The following STXBP5 variants were observed in gnomAD, a reference collection of about 807,000 sequenced individuals.
STXBP5 encodes the protein syntaxin binding protein 5, also known as syntaxin-binding protein 5.
Under a neutral mutation model 152.4 loss-of-function variants are expected in STXBP5, and 50 were observed. The observed-to-expected ratio is 0.33, with a 90% confidence interval of 0.26 to 0.42. The LOEUF (loss-of-function observed/expected upper bound fraction) is 0.42, where lower values mean the gene tolerates loss of function less well. Among genes scored for constraint, STXBP5 ranks in the 10% least tolerant of loss-of-function variants. The probability of loss-of-function intolerance (pLI) is 1.00; values close to 1 mark genes in which losing one functional copy is unlikely to be tolerated. For missense variants in STXBP5, 1,167 were observed against 1,388.6 expected (o/e 0.84, Z 2.54); for synonymous variants, 492 against 494.7 (o/e 0.99, Z 0.07).
At chr6:147,304,637 T>C (rs947214005) in intron 9 of STXBP5, among the ~76,000 whole-genome samples, 5 of 152,174 alleles carry the variant, frequency 3.3e-5, no homozygotes, top group South Asian at 4.2e-4. Context: ...CTGGACAAGC[T>C]GCAGACACTC....
intron 18 of STXBP5, 120 bp downstream of exon 18, chr6:147,327,396 A>G (rs76132287): frequency 2.1e-4 from 241 of 1,157,502 alleles, no homozygotes; most frequent in Non-Finnish European, 2.7e-4. Flanking sequence ...TGTATATATA[A>G]ACTGCCAAAA....
At chr6:147,298,632 C>T (rs1376058468) in intron 9 of STXBP5, among the ~76,000 whole-genome samples, 1 of 151,962 alleles carries the variant, frequency 6.6e-6, no homozygotes, top group Non-Finnish European at 1.5e-5. Context: ...TATCAAGTAG[C>T]TTTTTTGGCC....
At chr6:147,318,846 T>G (rs971703437) in intron 16 of STXBP5, among the ~76,000 whole-genome samples, 8 of 152,092 alleles carry the variant, frequency 5.3e-5, no homozygotes, top group East Asian at 1.9e-4. Context: ...GATTTGATGG[T>G]TTTTTTTCCT....
chr6:147,258,590 C>T (rs1045224352), intron 4 of STXBP5, among the ~76,000 whole-genome samples: 2 of 152,016 alleles, frequency 1.3e-5, no homozygotes, highest in Non-Finnish European at 2.9e-5. Context: ...CCCACCACCT[C>T]GCCTGGCTAA....
At chr6:147,354,154 C>T (rs971988819) in intron 22 of STXBP5, among the ~76,000 whole-genome samples, 1 of 152,120 alleles carries the variant, frequency 6.6e-6, no homozygotes, top group East Asian at 1.9e-4. Context: ...AGCCCACACC[C>T]CTCACCACTG....
chr6:147,251,477 G>A (rs1331974878), intron 4 of STXBP5, among the ~76,000 whole-genome samples: 1 of 152,164 alleles, frequency 6.6e-6, no homozygotes, highest in Non-Finnish European at 1.5e-5. Flanking sequence ...TGAAGCCAGG[G>A]AGCCAAGTGG....
chr6:147,232,459 A>C (rs1292693118), intron 2 of STXBP5, among the ~76,000 whole-genome samples: 1 of 151,742 alleles, frequency 6.6e-6, no homozygotes, highest in Admixed American at 6.6e-5. Flanking sequence ...CTTAATTTTA[A>C]ATTTTTTGTT....
intron 26 of STXBP5, 67 bp downstream of exon 26, chr6:147,373,909 T>G: frequency 9.2e-7 from 1 of 1,086,866 alleles, no homozygotes; most frequent in Non-Finnish European, 1.4e-6. Flanking sequence ...AAAAATTTTT[T>G]TATACGTGTA....
chr6:147,335,710 G>A (rs1783791222), intron 19 of STXBP5, among the ~76,000 whole-genome samples: 1 of 152,096 alleles, frequency 6.6e-6, no homozygotes, highest in Non-Finnish European at 1.5e-5. Context: ...TGAGGCAGGA[G>A]AATGGCGTGA....
intron 23 of STXBP5, among the ~76,000 whole-genome samples, chr6:147,360,872 G>C (rs138708346): frequency 1.6e-4 from 24 of 152,202 alleles, no homozygotes; most frequent in African/African-American, 5.8e-4. Context: ...GATTTTGCTT[G>C]TAAATCTATC....
chr6:147,223,146 A>G (rs1469438344), intron 2 of STXBP5, among the ~76,000 whole-genome samples: 3 of 152,246 alleles, frequency 2.0e-5, no homozygotes, highest in East Asian at 1.9e-4. Flanking sequence ...ACACTGGAAA[A>G]GAGAAGTTGA....
In STXBP5 at chr6:147,388,049, T is replaced by G. The variant is rs1223325590; in HGVS notation, c.*3294T>G. The G allele has an allele frequency of 4.0e-5, 6 of 151,850 alleles. No homozygotes were observed. Among genetic ancestry groups the G allele is most frequent in the Non-Finnish European group, 7.4e-5 (5 of 67,780 alleles). 9.4% of individuals were successfully genotyped at this position (151,850 alleles called of 1,614,324 possible). A position where few individuals can be genotyped will look rare whatever the true frequency, so the allele number is the denominator to read the frequency against. Reference sequence around the variant, plus strand: ...AAAAGCTATATCCAAAGGTAAATTTTTTGTGGCAAAGATTTATTTTACACT... The same window carrying G: ...AAAAGCTATATCCAAAGGTAAATTTGTTGTGGCAAAGATTTATTTTACACT... On this transcript the variant is annotated 3_prime_UTR_variant, in exon 28 of 28. Coordinates refer to ENST00000321680, the MANE Select transcript of STXBP5 (RefSeq NM_001127715.4).
chr6:147,232,202 G>A (rs751857757), intron 2 of STXBP5, among the ~76,000 whole-genome samples: 6 of 151,692 alleles, frequency 4.0e-5, no homozygotes, highest in Non-Finnish European at 7.4e-5. Context: ...TGAAAATAGA[G>A]GTCTTCAAGT....
chr6:147,321,444 T>A (rs915542252), intron 16 of STXBP5, among the ~76,000 whole-genome samples: 6 of 152,164 alleles, frequency 3.9e-5, no homozygotes, highest in Non-Finnish European at 8.8e-5. Flanking sequence ...TTTAAAAAAT[T>A]AGCCAGGTGT....
chr6:147,207,430 A>T (rs1562407631), intron 2 of STXBP5, among the ~76,000 whole-genome samples: 1 of 152,206 alleles, frequency 6.6e-6, no homozygotes, highest in Non-Finnish European at 1.5e-5. Flanking sequence ...AATTTCTGAG[A>T]CGGTGTGTCT....
intron 16 of STXBP5, among the ~76,000 whole-genome samples, chr6:147,318,072 G>C (rs115680320): frequency 7.5e-4 from 114 of 152,250 alleles, no homozygotes; most frequent in African/African-American, 2.7e-3. Context: ...TATTTAATTT[G>C]TACTTCATAA....
intron 21 of STXBP5, among the ~76,000 whole-genome samples, chr6:147,349,193 G>A (rs1486795326): frequency 6.6e-6 from 1 of 151,844 alleles, no homozygotes; most frequent in Non-Finnish European, 1.5e-5. Flanking sequence ...ATATTTTCAG[G>A]AGGAAGCTAA....
intron 7 of STXBP5, among the ~76,000 whole-genome samples, chr6:147,273,422 G>A (rs891607276): frequency 5.3e-5 from 8 of 152,002 alleles, no homozygotes; most frequent in African/African-American, 1.9e-4. Context: ...AAGAAGTGCA[G>A]TATTACTGAT....
At chr6:147,294,530 C>T (rs1297180765) in intron 9 of STXBP5, among the ~76,000 whole-genome samples, 2 of 151,980 alleles carry the variant, frequency 1.3e-5, no homozygotes, top group African/African-American at 4.8e-5. Context: ...TGCAGTTGTT[C>T]ACTTATCGTG....
Sources: gnomAD v4.1 joint callset for allele counts (sites outside exome capture counted in the v4.1 genomes callset) on GRCh38, gnomAD v4.1.1 for gene constraint, MANE v1.5 for transcripts, NCBI Gene and HGNC (gene_info 2026-07-23, HGNC 2026-07-21) for gene names.